EYS: variants seen among roughly 807,000 people sequenced by gnomAD.
EYS encodes EGF-like photoreceptor maintenance factor.
A neutral mutation model predicts 282.1 loss-of-function variants in EYS; 250 were observed. The ratio of observed to expected loss-of-function variants is 0.89; its 90% CI spans 0.80 to 0.98. The LOEUF is 0.98. Ranked by LOEUF, EYS falls within the 50% of genes least tolerant of loss-of-function variation. The pLI is 0.00. For missense variants in EYS, 4,016 were observed against 3,709.0 expected (o/e 1.08, Z -2.15); for synonymous variants, 1,355 against 1,282.9 (o/e 1.06, Z -1.20).
chr6:63,798,620 G>C (rs1770701580), intron 37 of EYS, among the ~76,000 whole-genome samples: 2 of 152,076 alleles, frequency 1.3e-5, no homozygotes, highest in Non-Finnish European at 2.9e-5. Context: ...CCCTACCAGG[G>C]CTCTCTGAAG....
chr6:64,747,669 T>A (rs767323575), intron 22 of EYS, among the ~76,000 whole-genome samples: 1 of 152,190 alleles, frequency 6.6e-6, no homozygotes, highest in Admixed American at 6.5e-5. Context: ...TGAGCCACCA[T>A]GCCCAGCCCT....
At chr6:65,045,187 G>T (rs1422264393) in intron 13 of EYS, among the ~76,000 whole-genome samples, 1 of 151,782 alleles carries the variant, frequency 6.6e-6, no homozygotes, top group African/African-American at 2.4e-5. Context: ...TTGCCTTTTT[G>T]TGTGTGTGCT....
Position 64,000,168 on chromosome 6 carries a change from CTTTTTTTTTTTTTT to C in EYS, c.6726-999_6726-986del, listed in dbSNP as rs71551553. 3.7e-3 allele frequency among the ~76,000 whole-genome samples: 160 copies of C among 42,710 alleles called. 13 individuals are homozygous for C. The East Asian group carries it at 0.079, about 21-fold the overall frequency. The allele number at this position is 42,710 out of a possible 152,430, so 28.0% of individuals were successfully genotyped here. A position where few individuals can be genotyped will look rare whatever the true frequency, so the allele number is the denominator to read the frequency against. On this transcript the variant is annotated intron_variant, in intron 33 of 42. Transcript: ENST00000503581. ...CTGAGGAGTTTCCCAAGACATGGGA[CTTTTTTTTTTTTTT>C]TTTTTTTTTTTTTTTTTTTTTTTTT...
At position 63,731,025 on chromosome 6, in the gene EYS, A is replaced by G. The variant is rs552117829; in HGVS notation, c.8072-4345T>C. ...ACAGAGCAAGACTCCACTTCAAAAA[A>G]AATTATTTTGTTATTACTAATACTG... On this transcript the variant is annotated intron_variant, in intron 41 of 42. Transcript: ENST00000503581. Among the ~76,000 whole-genome samples the G allele has an allele frequency of 9.1e-4, 139 of 152,272 alleles. No individual in the cohort carries two copies. The Middle Eastern group carries it at 0.014, about 15-fold the overall frequency.
intron 41 of EYS, among the ~76,000 whole-genome samples, chr6:63,759,596 A>G (rs1769580941): frequency 6.6e-6 from 1 of 152,152 alleles, no homozygotes; most frequent in Admixed American, 6.6e-5. Flanking sequence ...ATAAGTTCAT[A>G]GAGATAGAGA....
chr6:64,264,292 C>T (rs1582505702), intron 30 of EYS, among the ~76,000 whole-genome samples: 1 of 152,250 alleles, frequency 6.6e-6, no homozygotes, highest in Admixed American at 6.6e-5. Context: ...CTGGACTAGG[C>T]TTAGGCGGGC....
At chr6:64,326,056 A>G (rs1474368162) in intron 29 of EYS, among the ~76,000 whole-genome samples, 3 of 152,216 alleles carry the variant, frequency 2.0e-5, no homozygotes, top group Admixed American at 2.0e-4. Context: ...AGCACAAGGA[A>G]CACCTGGGAA....
At chr6:65,341,420 A>G (rs1770196549) in intron 10 of EYS, among the ~76,000 whole-genome samples, 1 of 151,200 alleles carries the variant, frequency 6.6e-6, no homozygotes, top group Non-Finnish European at 1.5e-5. Context: ...ATAATTTCTC[A>G]AAGGACAATG....
intron 1 of EYS, among the ~76,000 whole-genome samples, chr6:65,690,343 C>T (rs909478951): frequency 2.0e-5 from 3 of 149,804 alleles, no homozygotes; most frequent in East Asian, 4.7e-4. Context: ...CTAGAAGACC[C>T]GTGGCAAGAT....
chr6:63,870,374 C>T (rs1255793742), intron 35 of EYS, among the ~76,000 whole-genome samples: 1 of 152,080 alleles, frequency 6.6e-6, no homozygotes, highest in East Asian at 1.9e-4. Flanking sequence ...GATGGTTGTT[C>T]TTTTCTGATA....
At chr6:64,205,375 T>A (rs1321313840) in intron 31 of EYS, among the ~76,000 whole-genome samples, 1 of 152,164 alleles carries the variant, frequency 6.6e-6, no homozygotes, top group Non-Finnish European at 1.5e-5. Context: ...GCACACAACA[T>A]TACAATTTCT....
intron 31 of EYS, among the ~76,000 whole-genome samples, chr6:64,216,492 G>A (rs1765932070): frequency 6.6e-6 from 1 of 152,154 alleles, no homozygotes; most frequent in South Asian, 2.1e-4. Flanking sequence ...GAATTCAAGT[G>A]GTCATAGGGG....
chr6:64,826,280 T>C (rs558638520), intron 19 of EYS, among the ~76,000 whole-genome samples: 1 of 152,078 alleles, frequency 6.6e-6, no homozygotes, highest in African/African-American at 2.4e-5. Context: ...CCATGTTCTT[T>C]CTTTTTGTTA....
intron 1 of EYS, among the ~76,000 whole-genome samples, chr6:65,661,901 A>G (rs1384969321): frequency 1.3e-5 from 2 of 152,240 alleles, no homozygotes; most frequent in African/African-American, 4.8e-5. Context: ...TTATATGTAC[A>G]GGATCTTTCT....
intron 29 of EYS, among the ~76,000 whole-genome samples, chr6:64,379,232 T>C (rs1473816034): frequency 6.6e-6 from 1 of 152,122 alleles, no homozygotes; most frequent in African/African-American, 2.4e-5. Flanking sequence ...TAGAAAACTA[T>C]CTCCCAAATT....
At chr6:65,569,805 G>C (rs1316475135) in intron 2 of EYS, among the ~76,000 whole-genome samples, 1 of 152,280 alleles carries the variant, frequency 6.6e-6, no homozygotes, top group East Asian at 1.9e-4. Flanking sequence ...TCCTCAAAAA[G>C]ATCCAGTCTC....
intron 21 of EYS, among the ~76,000 whole-genome samples, chr6:64,816,579 G>A (rs1764746548): frequency 6.6e-6 from 1 of 152,142 alleles, no homozygotes; most frequent in Middle Eastern, 3.4e-3. Flanking sequence ...ATGCAGGAGG[G>A]CAAATAATGG....
At chr6:64,208,062 G>A (rs1450194075) in intron 31 of EYS, among the ~76,000 whole-genome samples, 2 of 152,184 alleles carry the variant, frequency 1.3e-5, no homozygotes, top group African/African-American at 4.8e-5. Context: ...TGTGAATAGT[G>A]GAGTGCTATG....
chr6:63,856,724 T>C (rs1312417665), intron 36 of EYS, among the ~76,000 whole-genome samples: 1 of 152,184 alleles, frequency 6.6e-6, no homozygotes, highest in Non-Finnish European at 1.5e-5. Flanking sequence ...AAAAATATGG[T>C]TGTATATTTT....
Sources: gnomAD v4.1 joint callset for allele counts (sites outside exome capture counted in the v4.1 genomes callset) on GRCh38, gnomAD v4.1.1 for gene constraint, MANE v1.5 for transcripts, NCBI Gene and HGNC (gene_info 2026-07-23, HGNC 2026-07-21) for gene names.